USP19: variants seen among roughly 807,000 people sequenced by gnomAD.
The protein encoded by USP19 is ubiquitin carboxyl-terminal hydrolase 19.
In USP19, 40 loss-of-function variants were observed where a neutral mutation model predicts 144.8. That is an observed-to-expected ratio of 0.28 (90% CI 0.21 to 0.36). The LOEUF is 0.36. USP19 is among the 10% of genes least tolerant of loss of function. The pLI is 1.00. For synonymous variants in USP19, 701 were observed against 709.3 expected (o/e 0.99, Z 0.19); for missense variants, 1,518 against 1,822.5 (o/e 0.83, Z 3.04).
In USP19 at chr3:49,114,977, T is replaced by C. The variant is rs777411906; in HGVS notation, c.2163A>G (p.Ser721=). The C allele has an allele frequency of 1.1e-5, 18 of 1,614,180 alleles. No homozygotes were observed. The Admixed American group carries it at 3.0e-4, about 27-fold the overall frequency. ...QNKPYTETVD[S]DGRPDEVVAE... ...CCCTGACCTCATCGGGCCGCCCATC[T>C]GAATCCACGGTCTCTGTGTAGGGCT... The change falls in exon 14 of 27, where the codon TCA becomes TCG. Residue 721 remains serine (S), a synonymous_variant. Transcript: ENST00000417901. The surrounding 1 kb of genome is among the most constrained non-coding windows in gnomAD (Gnocchi z 4.5).
Position 49,114,338 on chromosome 3 carries a change from G to A in USP19, c.2293-54C>T. The A allele has an allele frequency of 6.4e-7, 1 of 1,555,528 alleles. No homozygotes were observed. Among genetic ancestry groups the A allele is most frequent in the South Asian group, 1.1e-5 (1 of 88,304 alleles). ...CTGCACACAGAGTGGGAGATAAGATGCTCATGCTCAGAGAGCCCATTCCGG... is the reference window on the plus strand; with the variant it reads ...CTGCACACAGAGTGGGAGATAAGATACTCATGCTCAGAGAGCCCATTCCGG... On this transcript the variant is annotated intron_variant, in intron 15 of 26. Coordinates refer to ENST00000417901, the MANE Select transcript of USP19 (RefSeq NM_001199161.2). This position sits in a 1 kb window ranked among gnomAD's most constrained non-coding sequence, Gnocchi z 4.5.
chr3:49,111,738 G>C lies in USP19; in HGVS notation c.2979C>G (p.Thr993=). ...CCAGGGAACCTGTGGAGAGCAGTGTGGTGCAGCCAGGGCTCTGAGACTCCA... is the reference window on the plus strand; with the variant it reads ...CCAGGGAACCTGTGGAGAGCAGTGTCGTGCAGCCAGGGCTCTGAGACTCCA... ...MALESQSPGC[T]TLLSTGSLEA... Residue 993 remains threonine, a synonymous_variant, in exon 21 of 27, where the codon ACC becomes ACG. Coordinates refer to ENST00000417901, the MANE Select transcript of USP19 (RefSeq NM_001199161.2). This position sits in a 1 kb window ranked among gnomAD's most constrained non-coding sequence, Gnocchi z 5.9. The C allele has an allele frequency of 1.3e-6, 2 of 1,563,752 alleles. No individual in the cohort carries two copies. The highest frequency in any genetic ancestry group is 1.7e-6 in the Non-Finnish European group (2 of 1,153,890).
Position 49,111,874 on chromosome 3 carries a change from C to T in USP19, c.2903+37G>A. On this transcript the variant is annotated intron_variant, in intron 20 of 26. Transcript: ENST00000417901. This position sits in a 1 kb window ranked among gnomAD's most constrained non-coding sequence, Gnocchi z 5.9. The stretch of plus-strand genomic sequence containing the variant: ...CCAGCCCATCTAGCACCTCTGCCCC[C>T]ACCTACACCACTCTAGTCCAACCAC... The T allele has an allele frequency of 2.5e-6, 4 of 1,611,196 alleles. No individual in the cohort carries two copies. The highest frequency in any genetic ancestry group is 3.4e-6 in the Non-Finnish European group (4 of 1,178,266).
At chr3:49,120,094 G>C (rs2044932150) in intron 1 of USP19, among the ~76,000 whole-genome samples, 1 of 152,160 alleles carries the variant, frequency 6.6e-6, no homozygotes, top group African/African-American at 2.4e-5. Context: ...CCCACCAGTG[G>C]ATTCTGGACT....
In USP19 at chr3:49,112,356, T is replaced by C; in HGVS notation, c.2693A>G (p.Gln898Arg). 1 of 1,614,032 alleles carries C rather than the reference T, an allele frequency of 6.2e-7. No individual in the cohort carries two copies. Among genetic ancestry groups the C allele is most frequent in the Non-Finnish European group, 8.5e-7 (1 of 1,179,974 alleles). The change falls in exon 19 of 27, where the codon CAG (glutamine) becomes CGG (arginine). Residue 898 changes from glutamine to arginine, a missense_variant. Coordinates refer to ENST00000417901, the MANE Select transcript of USP19 (RefSeq NM_001199161.2). This position sits in a 1 kb window ranked among gnomAD's most constrained non-coding sequence, Gnocchi z 4.9. ...TTCATCCTCCGACTGTTGCTTCCGCTGGCAGGCTGCACACTTGGAGATGGG... is the reference window on the plus strand; with the variant it reads ...TTCATCCTCCGACTGTTGCTTCCGCCGGCAGGCTGCACACTTGGAGATGGG... ...SVPISKCAAC[Q>R]RKQQSEDEKL...
Position 49,116,304 on chromosome 3 carries a change from G to T in USP19, c.1331C>A (p.Thr444Asn). The change falls in exon 9 of 27, where the codon ACC becomes AAC. Residue 444 changes from threonine to asparagine, a missense_variant. By Grantham distance (65) the Thr-to-Asn change is moderately conservative. Coordinates refer to ENST00000417901, the MANE Select transcript of USP19 (RefSeq NM_001199161.2). The surrounding 1 kb of genome is among the most constrained non-coding windows in gnomAD (Gnocchi z 5.0). ...CCTGAGCTTCACCTGCCAACGGAAG[G>T]TGGTGTGGGGCCCACAGCCCGGGTG... ...RLHPGCGPHT[T>N]FRWQVKLRNL... The T allele has an allele frequency of 2.5e-6, 4 of 1,613,448 alleles. No homozygotes were observed. The highest frequency in any genetic ancestry group is 3.4e-6 in the Non-Finnish European group (4 of 1,179,878).
In USP19 at chr3:49,116,642, C is replaced by T. The variant is rs1472249653; in HGVS notation, c.1127-35G>A. The stretch of plus-strand genomic sequence containing the variant: ...GACCATGGCTCAGCCCCAACCAGGA[C>T]AGGTTCCAGCCTATTGCTACTCTCT... On this transcript the variant is annotated intron_variant, in intron 7 of 26. Transcript: ENST00000417901. This position sits in a 1 kb window ranked among gnomAD's most constrained non-coding sequence, Gnocchi z 5.0. The T allele has an allele frequency of 1.2e-6, 2 of 1,613,242 alleles. No individual in the cohort carries two copies. The highest frequency in any genetic ancestry group is 2.7e-5 in the African/African-American group (2 of 74,910).
intron 17 of USP19, 52 bp downstream of exon 17, chr3:49,113,940 G>A: frequency 6.4e-7 from 1 of 1,571,262 alleles, no homozygotes; most frequent in Admixed American, 1.7e-5. Flanking sequence ...CGTCTGTGGT[G>A]AGTACACACA....
chr3:49,111,851 A>G lies in USP19; in HGVS notation c.2904-38T>C. On this transcript the variant is annotated intron_variant, in intron 20 of 26. Coordinates refer to ENST00000417901, the MANE Select transcript of USP19 (RefSeq NM_001199161.2). This position sits in a 1 kb window ranked among gnomAD's most constrained non-coding sequence, Gnocchi z 5.9. ...AACAACGCAAGTAAGACTCCTGACC[A>G]GCCCATCTAGCACCTCTGCCCCCAC... The G allele has an allele frequency of 1.3e-6, 2 of 1,597,716 alleles. No homozygotes were observed. Among genetic ancestry groups the G allele is most frequent in the African/African-American group, 1.3e-5 (1 of 74,708 alleles).
intron 2 of USP19, 28 bp downstream of exon 2, chr3:49,118,994 A>C (rs1441241828): frequency 1.2e-6 from 2 of 1,613,588 alleles, no homozygotes; most frequent in Admixed American, 1.7e-5. Context: ...AGAGAAGGCC[A>C]CAATTACTCT....
At chr3:49,120,342 C>T (rs2045005623) in intron 1 of USP19, 1 of 152,320 alleles carries the variant, frequency 6.6e-6, no homozygotes, top group Non-Finnish European at 1.5e-5. Context: ...CCACCGGCGC[C>T]TCCTTCTTGC....
rs538951052 is a variant in USP19 at position 49,108,466 on chromosome 3, G to C, written c.4101C>G (p.Ala1367=). 5 of 1,351,820 alleles carry C rather than the reference G, an allele frequency of 3.7e-6. No homozygotes were observed. The highest frequency in any genetic ancestry group is 1.9e-4 in the Middle Eastern group (1 of 5,138). 83.7% of individuals were successfully genotyped at this position (1,351,820 alleles called of 1,614,324 possible). A position where few individuals can be genotyped will look rare whatever the true frequency, so the allele number is the denominator to read the frequency against. The part of the protein sequence containing the change: ...APTRTAPERF[A]PPVDRPAPTY... ...TGGGGGCTGGCCGATCCACAGGGGG[G>C]GCGAAGCGTTCAGGGGCTGTCCGCG... The change falls in exon 27 of 27, where the codon GCC becomes GCG. Residue 1367 remains alanine (A), a synonymous_variant. Transcript: ENST00000417901. The surrounding 1 kb of genome is among the most constrained non-coding windows in gnomAD (Gnocchi z 4.8).
chr3:49,119,501 C>G (rs550864478), intron 1 of USP19, among the ~76,000 whole-genome samples: 2 of 152,370 alleles, frequency 1.3e-5, no homozygotes, highest in Admixed American at 1.3e-4. Context: ...ATAACAGTCC[C>G]ACACAGGTGA....
At position 49,110,321 on chromosome 3, in the gene USP19, C is replaced by T. The variant is rs374183870; in HGVS notation, c.3901G>A (p.Glu1301Lys). The T allele has an allele frequency of 1.1e-4, 184 of 1,603,972 alleles. No homozygotes were observed. The highest frequency in any genetic ancestry group is 5.5e-4 in the African/African-American group (41 of 74,878). Residue 1301 changes from glutamate (E) to lysine (K), a missense_variant, in exon 26 of 27, where the codon GAG becomes AAG. Around this residue, in one of 5 missense-constraint regions of USP19, gnomAD observed 122 missense variants for 200.4 expected, o/e 0.61. Coordinates refer to ENST00000417901, the MANE Select transcript of USP19 (RefSeq NM_001199161.2). The surrounding 1 kb of genome is among the most constrained non-coding windows in gnomAD (Gnocchi z 6.1). ...FDDSTVTTVDESQVVTRYAYV... is the reference protein window; with the variant it reads ...FDDSTVTTVDKSQVVTRYAYV... ...GCATAACGCGTCACAACCTGGCTCT[C>T]GTCTACCGTTGTCACTGTGCTGTCA...
rs1313890624 is a variant in USP19 at position 49,114,993 on chromosome 3, G to A, written c.2147C>T (p.Thr716Ile). Reference sequence around the variant, plus strand: ...CCGCCCATCTGAATCCACGGTCTCTGTGTAGGGCTTGTTCTGAATGCGATT... The same window carrying A: ...CCGCCCATCTGAATCCACGGTCTCTATGTAGGGCTTGTTCTGAATGCGATT... ...DLNRIQNKPY[T>I]ETVDSDGRPD... Residue 716 changes from threonine to isoleucine, a missense_variant, in exon 14 of 27, where the codon ACA becomes ATA. Thr to Ile is a moderately conservative substitution (Grantham distance 89, BLOSUM62 -1). This residue lies in a region of USP19 where 158 missense variants were observed against 277.3 expected (regional missense o/e 0.57). Coordinates refer to ENST00000417901, the MANE Select transcript of USP19 (RefSeq NM_001199161.2). The surrounding 1 kb of genome is among the most constrained non-coding windows in gnomAD (Gnocchi z 4.5). 13 of 1,614,174 alleles carry A rather than the reference G, an allele frequency of 8.1e-6. No individual in the cohort carries two copies. The highest frequency in any genetic ancestry group is 1.1e-5 in the South Asian group (1 of 91,086).
At position 49,110,062 on chromosome 3, in the gene USP19, A is replaced by G. The variant is rs1162432600; in HGVS notation, c.4038+122T>C. On this transcript the variant is annotated intron_variant, in intron 26 of 26. Coordinates refer to ENST00000417901, the MANE Select transcript of USP19 (RefSeq NM_001199161.2). This position sits in a 1 kb window ranked among gnomAD's most constrained non-coding sequence, Gnocchi z 6.1. ...GCTTTGATGTTAAGAGAACTCTGCA[A>G]TTCTCATGAATCCCAAGGCTCAATG... is the stretch of plus-strand genomic sequence containing the variant. 2 of 1,213,474 alleles carry G rather than the reference A, an allele frequency of 1.6e-6. No homozygotes were observed. Among genetic ancestry groups the G allele is most frequent in the African/African-American group, 1.5e-5 (1 of 65,058 alleles). 75.2% of individuals were successfully genotyped at this position (1,213,474 alleles called of 1,614,324 possible). A position where few individuals can be genotyped will look rare whatever the true frequency, so the allele number is the denominator to read the frequency against.
At position 49,110,113 on chromosome 3, in the gene USP19, T is replaced by A; in HGVS notation, c.4038+71A>T. ...GGCCTGTGGCTGGAGGAGAGGAAGC[T>A]ATATCCCCCAACCCGGCCCCAGTCT... is the stretch of plus-strand genomic sequence containing the variant. On this transcript the variant is annotated intron_variant, in intron 26 of 26. Coordinates refer to ENST00000417901, the MANE Select transcript of USP19 (RefSeq NM_001199161.2). This position sits in a 1 kb window ranked among gnomAD's most constrained non-coding sequence, Gnocchi z 6.1. The A allele has an allele frequency of 4.2e-6, 6 of 1,431,300 alleles. No homozygotes were observed. Among genetic ancestry groups the A allele is most frequent in the Non-Finnish European group, 5.5e-6 (6 of 1,093,830 alleles). 88.7% of individuals were successfully genotyped at this position (1,431,300 alleles called of 1,614,324 possible). A position where few individuals can be genotyped will look rare whatever the true frequency, so the allele number is the denominator to read the frequency against.
rs776437650 is a variant in USP19 at position 49,111,705 on chromosome 3, C to G, written c.3012G>C (p.Gly1004=). ...TLLSTGSLEA[G]DSERDPIQPP... ...GCTGAATGGGGTCTCTCTCGCTGTC[C>G]CCAGCCTCCAGGGAACCTGTGGAGA... The change falls in exon 21 of 27, where the codon GGG becomes GGC. Residue 1004 remains glycine, a synonymous_variant. Transcript: ENST00000417901. The surrounding 1 kb of genome is among the most constrained non-coding windows in gnomAD (Gnocchi z 5.9). 1.9e-6 allele frequency: 3 copies of G among 1,592,192 alleles called. No individual in the cohort carries two copies. The African/African-American group carries it at 4.0e-5, about 21-fold the overall frequency.
chr3:49,109,749 A>G (rs914211145), intron 26 of USP19, among the ~76,000 whole-genome samples: 4 of 152,252 alleles, frequency 2.6e-5, no homozygotes, highest in Non-Finnish European at 5.9e-5. Flanking sequence ...CTCAAAGAGT[A>G]TAACAGCCAC....
Sources: gnomAD v4.1 joint callset for allele counts (sites outside exome capture counted in the v4.1 genomes callset) on GRCh38, gnomAD v4.1.1 for gene constraint, gnomAD v4.1.1 regional missense constraint, Gnocchi (gnomAD v3.1) non-coding constraint, MANE v1.5 for transcripts, NCBI Gene and HGNC (gene_info 2026-07-23, HGNC 2026-07-21) for gene names.